Variants in PRIM2 observed in about 807,000 individuals in gnomAD.
PRIM2 encodes DNA primase subunit 2, also known as DNA primase large subunit.
Under a neutral mutation model 67.3 loss-of-function variants are expected in PRIM2, and 39 were observed. That is an observed-to-expected ratio of 0.58 (90% CI 0.45 to 0.76). PRIM2 has a LOEUF of 0.76. Ranked by LOEUF, PRIM2 falls within the 30% of genes least tolerant of loss-of-function variation. PRIM2 has a pLI of 0.00. For synonymous variants in PRIM2, 143 were observed against 198.7 expected, an observed-to-expected ratio of 0.72 and a Z score of 2.36; for missense variants, 398 against 598.7, an observed-to-expected ratio of 0.66 and a Z score of 3.50.
intron 8 of PRIM2, among the ~76,000 whole-genome samples, chr6:57,515,589 C>A (rs1554348155): frequency 3.3e-5 from 5 of 151,934 alleles, no homozygotes; most frequent in African/African-American, 1.2e-4. Context: ...TAGATTAGAG[C>A]CTTTATACCC....
chr6:57,306,230 T>G, the PRIM2 span, among the ~76,000 whole-genome samples: 2 of 152,296 alleles, frequency 1.3e-5, no homozygotes, highest in African/African-American at 4.8e-5. Context: ...CTATCCTGTG[T>G]GTCTCTTCCT....
At chr6:57,568,894 T>C (rs1342489419) in intron 10 of PRIM2, among the ~76,000 whole-genome samples, 2 of 152,238 alleles carry the variant, frequency 1.3e-5, no homozygotes, top group East Asian at 3.8e-4. Context: ...GAAAAGCTTT[T>C]TACCCTCTCT....
At chr6:57,232,583 G>T in the PRIM2 span, among the ~76,000 whole-genome samples, 1 of 152,126 alleles carries the variant, frequency 6.6e-6, no homozygotes, top group South Asian at 2.1e-4. Context: ...TTTACCAAGG[G>T]ATGGTTAGGT....
At chr6:57,593,641 G>A (rs1335114575) in intron 10 of PRIM2, among the ~76,000 whole-genome samples, 4 of 152,178 alleles carry the variant, frequency 2.6e-5, no homozygotes, top group Non-Finnish European at 2.9e-5. Flanking sequence ...CCTTTGAGTC[G>A]TGGATATGAA....
rs1383800668 is a variant in PRIM2 at position 57,398,920 on chromosome 6, T to TA, written c.693+16753dup. ...GAAATGCCCTTTTTTGTCTTTTTTT[T>TA]ATCTTTTGTTTTGTTTGAATTCTGT... On this transcript the variant is annotated intron_variant, in intron 7 of 13. Coordinates refer to ENST00000615550, the MANE Select transcript of PRIM2 (RefSeq NM_000947.5). 3.9e-5 allele frequency among the ~76,000 whole-genome samples: 6 copies of TA among 152,268 alleles called. No individual in the cohort carries two copies. In the East Asian group the frequency reaches 5.8e-4, roughly 15 times the overall value.
chr6:57,475,710 C>T lies in PRIM2; in HGVS notation c.694-31677C>T, dbSNP rs1773461181. On this transcript the variant is annotated intron_variant, in intron 7 of 13. Transcript: ENST00000615550. Reference sequence around the variant, plus strand: ...GGCCCAGAGCATGTCAAGGATTTTCCAAAGTTGCATAGCTAGACTATGGGT... The same window carrying T: ...GGCCCAGAGCATGTCAAGGATTTTCTAAAGTTGCATAGCTAGACTATGGGT... Among the ~76,000 whole-genome samples, 3 of 152,290 alleles carry T rather than the reference C, an allele frequency of 2.0e-5. No individual in the cohort carries two copies. The South Asian group carries it at 6.2e-4, about 32-fold the overall frequency.
chr6:57,286,028 T>C, the PRIM2 span, among the ~76,000 whole-genome samples: 1 of 151,932 alleles, frequency 6.6e-6, no homozygotes, highest in Admixed American at 6.6e-5. Flanking sequence ...GAAAATAAAA[T>C]ACCTAGGAAT....
At chr6:57,294,785 A>C in the PRIM2 span, among the ~76,000 whole-genome samples, 3 of 151,814 alleles carry the variant, frequency 2.0e-5, no homozygotes, top group South Asian at 6.2e-4. Context: ...TAAGTGATAT[A>C]ATATTGCCAT....
At chr6:57,352,297 A>G (rs983925032) in intron 5 of PRIM2, among the ~76,000 whole-genome samples, 2 of 151,952 alleles carry the variant, frequency 1.3e-5, no homozygotes, top group African/African-American at 4.8e-5. Flanking sequence ...CTGGAGTGCA[A>G]TGGCGTGATC....
chr6:57,285,134 G>C, the PRIM2 span, among the ~76,000 whole-genome samples: 5 of 152,068 alleles, frequency 3.3e-5, no homozygotes, highest in Admixed American at 2.6e-4. Flanking sequence ...GCAACTAATA[G>C]CCTACCAATG....
intron 7 of PRIM2, among the ~76,000 whole-genome samples, chr6:57,449,345 A>C (rs1478246474): frequency 1.3e-5 from 2 of 152,178 alleles, no homozygotes; most frequent in Admixed American, 6.5e-5. Context: ...TGAACAATTA[A>C]AATTACTTTA....
At chr6:57,601,028 G>C in intron 10 of PRIM2, 65 bp from the exon 11 acceptor site, 1 of 1,434,422 alleles carries the variant, frequency 7.0e-7, no homozygotes, top group Non-Finnish European at 9.4e-7. Flanking sequence ...TCTAGCTTGT[G>C]TTGCTGACCT....
intron 7 of PRIM2, among the ~76,000 whole-genome samples, chr6:57,487,050 T>A: frequency 6.6e-6 from 1 of 152,346 alleles, no homozygotes; most frequent in East Asian, 1.9e-4. Context: ...TGAAGTTTTA[T>A]AGTCATTGTT....
At chr6:57,602,945 G>A (rs1184060290) in intron 11 of PRIM2, among the ~76,000 whole-genome samples, 9 of 152,220 alleles carry the variant, frequency 5.9e-5, no homozygotes, top group South Asian at 4.2e-4. Flanking sequence ...CACAACCTCC[G>A]TTGCTGTCAG....
At chr6:57,295,961 C>T in the PRIM2 span, among the ~76,000 whole-genome samples, 3 of 152,124 alleles carry the variant, frequency 2.0e-5, no homozygotes, top group Non-Finnish European at 4.4e-5. Context: ...ACTTTTATAA[C>T]CATAGTCACA....
intron 8 of PRIM2, among the ~76,000 whole-genome samples, chr6:57,514,932 T>C (rs1774451315): frequency 6.6e-6 from 1 of 151,362 alleles, no homozygotes; most frequent in African/African-American, 2.4e-5. Flanking sequence ...GTAAAGAGAG[T>C]GATAGGAAGT....
the PRIM2 span, among the ~76,000 whole-genome samples, chr6:57,246,761 C>G: frequency 2.6e-5 from 4 of 152,214 alleles, 1 homozygote; most frequent in South Asian, 8.3e-4. Context: ...ACCATTTCTG[C>G]TGCCTGCTGA....
chr6:57,513,390 T>C (rs1355082536), intron 8 of PRIM2, among the ~76,000 whole-genome samples: 3 of 147,972 alleles, frequency 2.0e-5, no homozygotes, highest in African/African-American at 7.7e-5. Flanking sequence ...TTTTATTTAT[T>C]ATCTCACTTA....
At chr6:57,548,268 G>A (rs1195415223) in intron 10 of PRIM2, among the ~76,000 whole-genome samples, 2 of 152,178 alleles carry the variant, frequency 1.3e-5, no homozygotes, top group Admixed American at 1.3e-4. Context: ...GTTAGAGCAG[G>A]AGTGCCAAAA....
Sources: allele counts gnomAD v4.1 joint callset (sites outside exome capture counted in the v4.1 genomes callset), GRCh38; gene constraint gnomAD v4.1.1; transcripts MANE v1.5; gene names NCBI Gene and HGNC (gene_info 2026-07-23, HGNC 2026-07-21).